CRISP2: variants seen among roughly 807,000 people sequenced by gnomAD.
The protein encoded by CRISP2 is cysteine rich secretory protein 2.
CRISP2 carries 29 observed loss-of-function variants against 31.7 expected under a neutral mutation model. That is an observed-to-expected ratio of 0.92 (90% CI 0.68 to 1.25). The LOEUF is 1.25. Among genes scored for constraint, CRISP2 ranks in the 50% most tolerant of loss-of-function variants. The pLI, the probability that CRISP2 is intolerant of heterozygous loss-of-function variation, is 0.00. For synonymous variants in CRISP2, 111 were observed against 101.4 expected, an observed-to-expected ratio of 1.09 and a Z score of -0.57; for missense variants, 318 against 286.5, an observed-to-expected ratio of 1.11 and a Z score of -0.79.
At chr6:49,677,789 C>T in the CRISP2 span, among the ~76,000 whole-genome samples, 1 of 152,062 alleles carries the variant, frequency 6.6e-6, no homozygotes, top group South Asian at 2.1e-4. Context: ...TTAAGGAAGT[C>T]TAGGGAAAGC....
chr6:49,684,486 A>T, the CRISP2 span, among the ~76,000 whole-genome samples: 1 of 152,176 alleles, frequency 6.6e-6, no homozygotes, highest in South Asian at 2.1e-4. Flanking sequence ...GATATGGAGG[A>T]CCGACTATAT....
chr6:49,707,340 T>C (rs1009468016), intron 4 of CRISP2, among the ~76,000 whole-genome samples: 1 of 152,152 alleles, frequency 6.6e-6, no homozygotes, highest in Non-Finnish European at 1.5e-5. Context: ...AGAGAAAGCT[T>C]CATAAAATGT....
intron 9 of CRISP2, among the ~76,000 whole-genome samples, chr6:49,695,179 T>G (rs1366386242): frequency 2.0e-5 from 3 of 152,190 alleles, no homozygotes; most frequent in Admixed American, 2.0e-4. Context: ...CTTCTATTCA[T>G]GGCAATTTAT....
chr6:49,707,322 T>C (rs1312882540), intron 4 of CRISP2, among the ~76,000 whole-genome samples: 1 of 152,162 alleles, frequency 6.6e-6, no homozygotes, highest in Non-Finnish European at 1.5e-5. Context: ...CAATTTTTCT[T>C]TGAAGTCAGA....
At chr6:49,685,225 A>T in the CRISP2 span, among the ~76,000 whole-genome samples, 104 of 152,338 alleles carry the variant, frequency 6.8e-4, no homozygotes, top group African/African-American at 2.4e-3. Context: ...ACTTAAAGTC[A>T]CACTGTGTTC....
chr6:49,710,921 G>T (rs1041159335), intron 3 of CRISP2, among the ~76,000 whole-genome samples: 7 of 152,102 alleles, frequency 4.6e-5, no homozygotes, highest in African/African-American at 1.7e-4. Flanking sequence ...TTGAGCCCAG[G>T]AGTTCAAGAT....
At chr6:49,700,583 A>C in intron 5 of CRISP2, 85 bp downstream of exon 5, 1 of 777,902 alleles carries the variant, frequency 1.3e-6, no homozygotes, top group Non-Finnish European at 2.2e-6. Context: ...TGTAAACCAC[A>C]AAGTTCTTAA....
At chr6:49,683,845 A>G in the CRISP2 span, among the ~76,000 whole-genome samples, 3 of 150,548 alleles carry the variant, frequency 2.0e-5, no homozygotes, top group South Asian at 2.1e-4. Flanking sequence ...TGAATACAGA[A>G]CAAGTAATCT....
At chr6:49,694,504 T>C (rs1410446187) in intron 9 of CRISP2, among the ~76,000 whole-genome samples, 2 of 152,040 alleles carry the variant, frequency 1.3e-5, no homozygotes, top group East Asian at 3.9e-4. Context: ...GGTGTGTGTT[T>C]TGTTGTGGCA....
rs1561876051 is a variant in CRISP2 at position 49,701,618 on chromosome 6, A to ACATTATATATGTATACATTATATATG, written c.67-835_67-834insCATATATAATGTATACATATATAATG. Among the ~76,000 whole-genome samples the ACATTATATATGTATACATTATATATG allele has an allele frequency of 2.6e-3, 128 of 48,634 alleles. 31 individuals carry two copies. Among genetic ancestry groups the ACATTATATATGTATACATTATATATG allele is most frequent in the East Asian group, 8.7e-3 (12 of 1,378 alleles). 31.9% of individuals were successfully genotyped at this position (48,634 alleles called of 152,430 possible). ...ATATACACACACACACGGTATATAT[A>ACATTATATATGTATACATTATATATG]TATACATTATATATGTATACATTAT... On this transcript the variant is annotated intron_variant, in intron 4 of 9. Coordinates refer to ENST00000339139, the MANE Select transcript of CRISP2 (RefSeq NM_003296.4).
chr6:49,701,376 T>C (rs1163583514), intron 4 of CRISP2, among the ~76,000 whole-genome samples: 1 of 151,366 alleles, frequency 6.6e-6, no homozygotes, highest in Non-Finnish European at 1.5e-5. Context: ...ACATATGATG[T>C]TTGGTTTTTC....
At chr6:49,677,104 T>C in the CRISP2 span, among the ~76,000 whole-genome samples, 2 of 152,086 alleles carry the variant, frequency 1.3e-5, no homozygotes, top group Non-Finnish European at 2.9e-5. Flanking sequence ...GCTGCCAGCT[T>C]AGGTGAGCTT....
At chr6:49,713,603 T>G (rs1327740197), upstream of CRISP2, 1 of 152,252 alleles carries the variant, frequency 6.6e-6, no homozygotes, top group Non-Finnish European at 1.5e-5. Flanking sequence ...GCGACGTCAC[T>G]GGGCTTTATG....
the CRISP2 span, among the ~76,000 whole-genome samples, chr6:49,684,269 A>G: frequency 3.3e-5 from 5 of 152,204 alleles, no homozygotes; most frequent in Admixed American, 2.0e-4. Flanking sequence ...ACACCCTCCC[A>G]CATACTTTAA....
intron 4 of CRISP2, among the ~76,000 whole-genome samples, chr6:49,708,232 T>C (rs2127432528): frequency 6.6e-6 from 1 of 152,272 alleles, no homozygotes; most frequent in African/African-American, 2.4e-5. Context: ...CAGTGTTTAC[T>C]AGAAAAATAA....
the CRISP2 span, among the ~76,000 whole-genome samples, chr6:49,679,388 A>G: frequency 6.6e-5 from 10 of 152,130 alleles, no homozygotes; most frequent in South Asian, 1.9e-3. Context: ...ACCTTTAAGG[A>G]CTCCTCTTTT....
chr6:49,692,931 A>G (rs759279881), intron 9 of CRISP2, 31 bp from the exon 10 acceptor site: 10 of 1,609,340 alleles, frequency 6.2e-6, no homozygotes, highest in Non-Finnish European at 8.5e-6. Context: ...TTAACTCATT[A>G]TCGTTTTCCT....
chr6:49,708,630 C>A (rs1767471526), intron 4 of CRISP2, among the ~76,000 whole-genome samples: 1 of 152,148 alleles, frequency 6.6e-6, no homozygotes, highest in South Asian at 2.1e-4. Context: ...CCAGAGGGAG[C>A]TCAGCCCAGG....
the CRISP2 span, among the ~76,000 whole-genome samples, chr6:49,681,031 C>T: frequency 6.6e-6 from 1 of 152,262 alleles, no homozygotes; most frequent in South Asian, 2.1e-4. Flanking sequence ...GTTTTTGTTG[C>T]AATTGCTTTT....
Sources: gnomAD v4.1 joint callset for allele counts (sites outside exome capture counted in the v4.1 genomes callset) on GRCh38, gnomAD v4.1.1 for gene constraint, MANE v1.5 for transcripts, NCBI Gene and HGNC (gene_info 2026-07-23, HGNC 2026-07-21) for gene names.